CYP2A13: variants seen among roughly 807,000 people sequenced by gnomAD.
CYP2A13 encodes cytochrome P450 2A13.
A neutral mutation model predicts 39.4 loss-of-function variants in CYP2A13; 30 were observed. The ratio of observed to expected loss-of-function variants is 0.76; its 90% confidence interval spans 0.57 to 1.03. CYP2A13 has a LOEUF of 1.03. Ranked by LOEUF, CYP2A13 falls within the 50% of genes least tolerant of loss-of-function variation. The pLI, the probability that CYP2A13 is intolerant of heterozygous loss-of-function variation, is 0.00. For synonymous variants in CYP2A13, 269 were observed against 254.7 expected, an observed-to-expected ratio of 1.06 and a Z score of -0.54; for missense variants, 731 against 648.4, an observed-to-expected ratio of 1.13 and a Z score of -1.38.
Position 41,089,999 on chromosome 19 carries a change from C to T in CYP2A13, c.344-48C>T, listed in dbSNP as rs372079170. On this transcript the variant is annotated intron_variant, in intron 2 of 8. Transcript: ENST00000330436. Reference sequence around the variant, plus strand: ...GCCCCTTGGAGCTGGTCCGCTCCTGCTCCCGCCGCCCCCTGACCTCTCTCC... The same window carrying T: ...GCCCCTTGGAGCTGGTCCGCTCCTGTTCCCGCCGCCCCCTGACCTCTCTCC... The T allele has an allele frequency of 2.0e-4, 303 of 1,553,798 alleles. 1 individual carries two copies. In the African/African-American group the frequency reaches 3.5e-3, roughly 18 times the overall value.
chr19:41,088,904 A>G (rs752705866), intron 1 of CYP2A13, 25 bp from the exon 2 acceptor site: 2 of 1,613,128 alleles, frequency 1.2e-6, no homozygotes, highest in South Asian at 2.2e-5. Flanking sequence ...TGCTCCCTCT[A>G]ACCACTCCCA....
At chr19:41,095,533 TAAAC>T (rs2031285063) in intron 8 of CYP2A13, among the ~76,000 whole-genome samples, 1 of 152,210 alleles carries the variant, frequency 6.6e-6, no homozygotes, top group East Asian at 1.9e-4. Flanking sequence ...AACCCTAATG[TAAAC>T]TATGGACTTT....
intron 8 of CYP2A13, 23 bp from the exon 9 acceptor site, chr19:41,095,737 C>T (rs1599656800): frequency 6.2e-7 from 1 of 1,613,246 alleles, no homozygotes; most frequent in South Asian, 1.1e-5. Flanking sequence ...TTCACCTTCA[C>T]CCCTCCTGCC....
rs746068081 is a variant in CYP2A13 at position 41,095,865 on chromosome 19, A to T, written c.1409A>T (p.Asp470Val). The change falls in exon 9 of 9, where the codon GAT becomes GTT. Residue 470 changes from aspartate (D) to valine (V), a missense_variant. Physicochemically the swap from Asp to Val is radical, Grantham distance 152. Transcript: ENST00000330436. ...FRFKSPQSPK[D>V]IDVSPKHVGF... ...TTCAAGTCCCCTCAGTCGCCTAAGGATATCGACGTGTCCCCCAAACACGTG... is the reference window on the plus strand; with the variant it reads ...TTCAAGTCCCCTCAGTCGCCTAAGGTTATCGACGTGTCCCCCAAACACGTG... 3 of 1,614,016 alleles carry T rather than the reference A, an allele frequency of 1.9e-6. No individual in the cohort carries two copies. The South Asian group carries it at 3.3e-5, about 18-fold the overall frequency.
Position 41,095,795 on chromosome 19 carries a change from A to G in CYP2A13, c.1339A>G (p.Met447Val), listed in dbSNP as rs1297688188. The G allele has an allele frequency of 2.5e-6, 4 of 1,613,970 alleles. No individual in the cohort carries two copies. In the African/African-American group the frequency reaches 5.3e-5, roughly 22 times the overall value. ...RYCFGEGLARMELFLFFTTIM... is the reference protein window; with the variant it reads ...RYCFGEGLARVELFLFFTTIM... Reference sequence around the variant, plus strand: ...CTGTTTTGGAGAAGGCCTGGCCAGAATGGAGCTCTTTCTCTTCTTCACCAC... The same window carrying G: ...CTGTTTTGGAGAAGGCCTGGCCAGAGTGGAGCTCTTTCTCTTCTTCACCAC... Residue 447 changes from methionine (M) to valine (V), a missense_variant, in exon 9 of 9, where the codon ATG (methionine) becomes GTG (valine). By Grantham distance (21) the Met-to-Val change is conservative (BLOSUM62 1). Transcript: ENST00000330436.
In CYP2A13 at chr19:41,091,873, G is replaced by A. The variant is rs2031197627; in HGVS notation, c.796G>A (p.Asp266Asn). The change falls in exon 5 of 9, where the codon GAC (aspartate) becomes AAC (asparagine). Residue 266 changes from aspartate (D) to asparagine (N), a missense_variant. By Grantham distance (23) the Asp-to-Asn change is conservative. Coordinates refer to ENST00000330436, the MANE Select transcript of CYP2A13 (RefSeq NM_000766.5). ...QRTLDPNSPR[D>N]FIDSFLIRMQ... ...CACGCTGGATCCCAATTCCCCACGG[G>A]ACTTCATCGACTCCTTTCTCATCCG... 2 of 1,614,204 alleles carry A rather than the reference G, an allele frequency of 1.2e-6. No homozygotes were observed. Among genetic ancestry groups the A allele is most frequent in the Non-Finnish European group, 1.7e-6 (2 of 1,180,038 alleles).
rs774011130 is a variant in CYP2A13 at position 41,095,834 on chromosome 19, T to C, written c.1378T>C (p.Phe460Leu). Residue 460 changes from phenylalanine (F) to leucine (L), a missense_variant, in exon 9 of 9, where the codon TTT (phenylalanine) becomes CTT (leucine). By Grantham distance (22) the Phe-to-Leu change is conservative. Coordinates refer to ENST00000330436, the MANE Select transcript of CYP2A13 (RefSeq NM_000766.5). ...CTTCTTCACCACCATCATGCAGAAC[T>C]TTCGCTTCAAGTCCCCTCAGTCGCC... The part of the protein sequence containing the change: ...FLFFTTIMQN[F>L]RFKSPQSPKD... 2 of 1,614,132 alleles carry C rather than the reference T, an allele frequency of 1.2e-6. No individual in the cohort carries two copies. The highest frequency in any genetic ancestry group is 1.7e-6 in the Non-Finnish European group (2 of 1,179,986).
In CYP2A13 at chr19:41,089,110, G is replaced by T. The variant is rs545017694; in HGVS notation, c.343+19G>T. ...GGCTATGGTGAGGGGGTGCCCAAGA[G>T]GGGGAAGGTGGCCAGGTGGATGCAA... is the stretch of plus-strand genomic sequence containing the variant. On this transcript the variant is annotated intron_variant, in intron 2 of 8. Coordinates refer to ENST00000330436, the MANE Select transcript of CYP2A13 (RefSeq NM_000766.5). 8.7e-6 allele frequency: 14 copies of T among 1,611,488 alleles called. No homozygotes were observed. Among genetic ancestry groups the T allele is most frequent in the South Asian group, 5.5e-5 (5 of 90,924 alleles).
Position 41,088,937 on chromosome 19 carries a change from G to A in CYP2A13, c.189G>A (p.Glu63=). 6.2e-7 allele frequency: 1 copy of A among 1,614,028 alleles called. No individual in the cohort carries two copies. ...QMYNSLMKIS[E]RYGPVFTIHL... ...CCACCTGCCTCCAACAGATCAGTGAGCGCTATGGCCCTGTGTTCACCATTC... is the reference window on the plus strand; with the variant it reads ...CCACCTGCCTCCAACAGATCAGTGAACGCTATGGCCCTGTGTTCACCATTC... Residue 63 remains glutamate, a synonymous_variant, in exon 2 of 9, where the codon GAG becomes GAA. Transcript: ENST00000330436.
intron 2 of CYP2A13, 146 bp downstream of exon 2, chr19:41,089,237 C>G (rs182451120): frequency 7.0e-7 from 1 of 1,430,478 alleles, no homozygotes; most frequent in Admixed American, 2.4e-5. Flanking sequence ...TTCATCGTGG[C>G]CTCTCCCTGT....
In CYP2A13 at chr19:41,088,467, C is replaced by T. The variant is rs367703824; in HGVS notation, c.-5C>T. The T allele has an allele frequency of 8.1e-6, 13 of 1,611,846 alleles. No homozygotes were observed. In the African/African-American group the frequency reaches 1.6e-4, roughly 20 times the overall value. On this transcript the variant is annotated 5_prime_UTR_variant, in exon 1 of 9. Coordinates refer to ENST00000330436, the MANE Select transcript of CYP2A13 (RefSeq NM_000766.5). The stretch of plus-strand genomic sequence containing the variant: ...GCCATCACCATCTATCATCCCACTG[C>T]CACCATGCTGGCCTCAGGGCTGCTT...
rs749719085 is a variant in CYP2A13 at position 41,090,209 on chromosome 19, C to A, written c.493+13C>A. 94 of 1,555,812 alleles carry A rather than the reference C, an allele frequency of 6.0e-5. 1 individual carries two copies. In the Middle Eastern group the frequency reaches 3.3e-3, roughly 54 times the overall value. ...CGGGGCACGCACGGTGAGTAGGGGACCCCGAGTGCGAGGGCGGGAACCCGC... is the reference window on the plus strand; with the variant it reads ...CGGGGCACGCACGGTGAGTAGGGGAACCCGAGTGCGAGGGCGGGAACCCGC... On this transcript the variant is annotated intron_variant, in intron 3 of 8. Coordinates refer to ENST00000330436, the MANE Select transcript of CYP2A13 (RefSeq NM_000766.5).
At chr19:41,095,739 C>T (rs1006886442) in intron 8 of CYP2A13, 21 bp from the exon 9 acceptor site, 2 of 1,613,498 alleles carry the variant, frequency 1.2e-6, no homozygotes, top group Admixed American at 1.7e-5. Flanking sequence ...CACCTTCACC[C>T]CTCCTGCCTC....
Position 41,090,180 on chromosome 19 carries a change from C to T in CYP2A13, c.477C>T (p.Ala159=), listed in dbSNP as rs1446801632. ...AGGAGGCGGGCTTCCTCATCGACGC[C>T]CTCCGGGGCACGCACGGTGAGTAGG... is the stretch of plus-strand genomic sequence containing the variant. The part of the protein sequence containing the change: ...IQEEAGFLID[A]LRGTHGANID... Residue 159 remains alanine, a synonymous_variant, in exon 3 of 9, where the codon GCC becomes GCT. Transcript: ENST00000330436. 1 of 1,581,862 alleles carries T rather than the reference C, an allele frequency of 6.3e-7. No individual in the cohort carries two copies. Among genetic ancestry groups the T allele is most frequent in the Non-Finnish European group, 8.6e-7 (1 of 1,163,226 alleles).
Position 41,093,737 on chromosome 19 carries a change from T to C in CYP2A13, c.939T>C (p.Gly313=), listed in dbSNP as rs1276031092. The change falls in exon 6 of 9, where the codon GGT becomes GGC. Residue 313 remains glycine, a synonymous_variant. Transcript: ENST00000330436. ...TETVSTTLRY[G]FLLLMKHPEV... ...CCGTGAGCACCACCCTGCGCTACGG[T>C]TTCCTGCTGCTCATGAAGCACCCAG... is the stretch of plus-strand genomic sequence containing the variant. 1.2e-6 allele frequency: 2 copies of C among 1,613,882 alleles called. No individual in the cohort carries two copies. The highest frequency in any genetic ancestry group is 1.7e-5 in the Admixed American group (1 of 59,986).
chr19:41,091,896 C>G lies in CYP2A13; in HGVS notation c.819C>G (p.Ile273Met). The G allele has an allele frequency of 6.2e-7, 1 of 1,614,226 alleles. No individual in the cohort carries two copies. The highest frequency in any genetic ancestry group is 1.1e-5 in the South Asian group (1 of 91,080). Residue 273 changes from isoleucine (I) to methionine (M), a missense_variant, in exon 5 of 9, where the codon ATC becomes ATG. Ile to Met is a conservative substitution (Grantham distance 10). Transcript: ENST00000330436. ...GGGACTTCATCGACTCCTTTCTCATCCGCATGCAGGAGGTACATCCCAGCA... is the reference window on the plus strand; with the variant it reads ...GGGACTTCATCGACTCCTTTCTCATGCGCATGCAGGAGGTACATCCCAGCA... ...SPRDFIDSFL[I>M]RMQEEEKNPN...
chr19:41,091,792 A>C lies in CYP2A13; in HGVS notation c.715A>C (p.Lys239Gln), dbSNP rs1568367423. 12 of 1,613,998 alleles carry C rather than the reference A, an allele frequency of 7.4e-6. No homozygotes were observed. Among genetic ancestry groups the C allele is most frequent in the Admixed American group, 1.7e-5 (1 of 60,006 alleles). The change falls in exon 5 of 9, where the codon AAG (lysine) becomes CAG (glutamine). Residue 239 changes from lysine (K) to glutamine (Q), a missense_variant. Lys to Gln is a moderately conservative substitution (Grantham distance 53). Coordinates refer to ENST00000330436, the MANE Select transcript of CYP2A13 (RefSeq NM_000766.5). Reference sequence around the variant, plus strand: ...GCCAGGACCACAGCAACAGGCCTTTAAGGAGCTGCAAGGGCTGGAGGACTT... The same window carrying C: ...GCCAGGACCACAGCAACAGGCCTTTCAGGAGCTGCAAGGGCTGGAGGACTT... The part of the protein sequence containing the change: ...HLPGPQQQAF[K>Q]ELQGLEDFIA...
chr19:41,094,963 C>T lies in CYP2A13; in HGVS notation c.1166C>T (p.Thr389Ile), dbSNP rs745865005. ...CACCTTCCTCCTCCCTCCCAGGGCA[C>T]TGAAGTGTTCCCTATGCTGGGCTCC... The part of the protein sequence containing the change: ...KFRDFFLPKG[T>I]EVFPMLGSVL... Residue 389 changes from threonine (T) to isoleucine (I), a missense_variant, in exon 8 of 9, where the codon ACT becomes ATT. By Grantham distance (89) the Thr-to-Ile change is moderately conservative. Transcript: ENST00000330436. The T allele has an allele frequency of 6.2e-7, 1 of 1,614,108 alleles. No individual in the cohort carries two copies. Among genetic ancestry groups the T allele is most frequent in the Non-Finnish European group, 8.5e-7 (1 of 1,180,016 alleles).
chr19:41,091,510 GCCTCAGTTCTTCTCA>G (rs2031188060), intron 4 of CYP2A13, among the ~76,000 whole-genome samples: 1 of 152,176 alleles, frequency 6.6e-6, no homozygotes, highest in African/African-American at 2.4e-5. Flanking sequence ...CTGGATATAT[GCCTCAGTTCTTCTCA>G]CCTAAATTAC....
Sources: allele counts gnomAD v4.1 joint callset (sites outside exome capture counted in the v4.1 genomes callset), GRCh38; gene constraint gnomAD v4.1.1; transcripts MANE v1.5; gene names NCBI Gene and HGNC (gene_info 2026-07-23, HGNC 2026-07-21).